KIF5C: variants seen among roughly 807,000 people sequenced by gnomAD.
KIF5C encodes the protein kinesin family member 5C, also known as kinesin heavy chain isoform 5C.
Under a neutral mutation model 125.2 loss-of-function variants are expected in KIF5C, and 18 were observed. That is an observed-to-expected ratio of 0.14 (90% CI 0.10 to 0.21). KIF5C has a LOEUF of 0.21. Ranked by LOEUF, KIF5C falls within the 10% of genes least tolerant of loss-of-function variation. The pLI, the probability that KIF5C is intolerant of heterozygous loss-of-function variation, is 1.00. For missense variants in KIF5C, 780 were observed against 1,183.8 expected, an observed-to-expected ratio of 0.66 and a Z score of 5.01; for synonymous variants, 405 against 434.0, an observed-to-expected ratio of 0.93 and a Z score of 0.83.
At chr2:148,940,336 A>G (rs908793306) in intron 4 of KIF5C, among the ~76,000 whole-genome samples, 8 of 152,134 alleles carry the variant, frequency 5.3e-5, no homozygotes, top group Non-Finnish European at 1.0e-4. Flanking sequence ...AGGGACAGGG[A>G]AGTCTGACAG....
At position 148,923,583 on chromosome 2, in the gene KIF5C, G is replaced by A. The variant is rs1681877616; in HGVS notation, c.217+1356G>A. 2.6e-5 allele frequency among the ~76,000 whole-genome samples: 4 copies of A among 152,002 alleles called. No individual in the cohort carries two copies. In the South Asian group the frequency reaches 8.3e-4, roughly 32 times the overall value. On this transcript the variant is annotated intron_variant, in intron 2 of 25. Transcript: ENST00000435030. ...ATCTTTCTTGGTTTGCTCCTACTCA[G>A]CCCTGCTCCCTATTATTCGACTCAT...
chr2:148,995,774 A>C (rs1681651508), intron 17 of KIF5C, among the ~76,000 whole-genome samples: 1 of 152,262 alleles, frequency 6.6e-6, no homozygotes, highest in Non-Finnish European at 1.5e-5. Context: ...CATGAAATAC[A>C]TGAAGGTGTG....
At chr2:148,997,212 GGT>G in intron 17 of KIF5C, 50 bp from the exon 18 acceptor site, 1 of 1,565,568 alleles carries the variant, frequency 6.4e-7, no homozygotes, top group Non-Finnish European at 8.7e-7. Flanking sequence ...TTTGCTTTTG[GGT>G]GTGAGTCCCA....
intron 3 of KIF5C, among the ~76,000 whole-genome samples, chr2:148,935,709 A>G (rs1428472629): frequency 6.6e-6 from 1 of 152,226 alleles, no homozygotes; most frequent in African/African-American, 2.4e-5. Flanking sequence ...TCTTCGTGAA[A>G]ACCTGCTGTG....
At position 148,973,532 on chromosome 2, in the gene KIF5C, A is replaced by C; in HGVS notation, c.1293+21A>C. On this transcript the variant is annotated intron_variant, in intron 12 of 25. Transcript: ENST00000435030. Reference sequence around the variant, plus strand: ...ACAAGGTCTGTGGCCAGAGATTCATAGTTCTCATTCTGCTACAAAGATGAA... The same window carrying C: ...ACAAGGTCTGTGGCCAGAGATTCATCGTTCTCATTCTGCTACAAAGATGAA... 6 of 1,590,576 alleles carry C rather than the reference A, an allele frequency of 3.8e-6. No homozygotes were observed. The East Asian group carries it at 1.4e-4, about 36-fold the overall frequency.
At position 148,875,575 on chromosome 2, in the gene KIF5C, G is replaced by GCCCCCCCCCCAACCCCCTGCCCC; in HGVS notation, c.-37_-36insCCCCAACCCCCTGCCCCCCCCCC. The GCCCCCCCCCCAACCCCCTGCCCC allele has an allele frequency of 2.9e-6, 2 of 699,604 alleles. No individual in the cohort carries two copies. The highest frequency in any genetic ancestry group is 1.8e-5 in the African/African-American group (1 of 55,562). The allele number at this position is 699,604 out of a possible 1,614,324, so 43.3% of individuals were successfully genotyped here. A position where few individuals can be genotyped will look rare whatever the true frequency, so the allele number is the denominator to read the frequency against. On this transcript the variant is annotated 5_prime_UTR_variant, in exon 1 of 26. Coordinates refer to ENST00000435030, the MANE Select transcript of KIF5C (RefSeq NM_004522.3). ...TCCTCCCTCGTCGTTCCCGGCCCCG[G>GCCCCCCCCCCAACCCCCTGCCCC]CCCCCCACCCATCCCCGTGCCCCCT...
intron 11 of KIF5C, 55 bp from the exon 12 acceptor site, chr2:148,973,281 A>T: frequency 6.4e-7 from 1 of 1,558,204 alleles, no homozygotes; most frequent in Admixed American, 2.0e-5. Flanking sequence ...CTCTTCCTGG[A>T]GGGTTGCATA....
chr2:148,942,094 G>A, intron 6 of KIF5C, 104 bp downstream of exon 6: 3 of 1,324,972 alleles, frequency 2.3e-6, no homozygotes, highest in South Asian at 1.4e-5. Flanking sequence ...AGAGCATATA[G>A]GCATTTATTC....
intron 7 of KIF5C, among the ~76,000 whole-genome samples, chr2:148,945,285 G>A (rs970167528): frequency 4.6e-5 from 7 of 152,060 alleles, no homozygotes; most frequent in East Asian, 1.9e-4. Flanking sequence ...GTAGGTATTT[G>A]ATCCTTTTGG....
chr2:149,000,663 G>C, intron 20 of KIF5C, 59 bp from the exon 21 acceptor site: 2 of 1,602,492 alleles, frequency 1.2e-6, no homozygotes, highest in Non-Finnish European at 1.7e-6. Context: ...GATGCAAATA[G>C]TATCTGCTGA....
intron 11 of KIF5C, among the ~76,000 whole-genome samples, chr2:148,967,003 A>G (rs1331203178): frequency 6.6e-6 from 1 of 152,172 alleles, no homozygotes; most frequent in Non-Finnish European, 1.5e-5. Flanking sequence ...AGCTCCAGGT[A>G]AGACAGGGGC....
At chr2:149,008,509 T>C (rs190946621) in intron 23 of KIF5C, among the ~76,000 whole-genome samples, 107 of 152,272 alleles carry the variant, frequency 7.0e-4, no homozygotes, top group African/African-American at 2.5e-3. Context: ...CATTGCACCG[T>C]GGGAGGACCG....
Position 149,011,633 on chromosome 2 carries a change from G to C in KIF5C, c.2831G>C (p.Gly944Ala). 1 of 1,614,046 alleles carries C rather than the reference G, an allele frequency of 6.2e-7. No homozygotes were observed. The highest frequency in any genetic ancestry group is 8.5e-7 in the Non-Finnish European group (1 of 1,179,886). ...SSPTAVHAIR[G>A]GGGSSSNSTH... The stretch of plus-strand genomic sequence containing the variant: ...CCAACGGCCGTCCATGCCATTCGAG[G>C]GGGAGGAGGCAGCTCTTCAAATTCC... The change falls in exon 25 of 26, where the codon GGG becomes GCG. Residue 944 changes from glycine to alanine, a missense_variant. By Grantham distance (60) the Gly-to-Ala change is moderately conservative. Around this residue, in one of 2 missense-constraint regions of KIF5C, gnomAD observed 573 missense variants for 742.6 expected, o/e 0.77. Coordinates refer to ENST00000435030, the MANE Select transcript of KIF5C (RefSeq NM_004522.3).
intron 1 of KIF5C, chr2:148,883,679 T>C (rs1040858318): frequency 6.6e-6 from 1 of 152,222 alleles, no homozygotes; most frequent in Non-Finnish European, 1.5e-5. Flanking sequence ...TAAATGCTGA[T>C]GTCTGAAGTC....
chr2:148,951,816 A>T (rs1035595229), intron 10 of KIF5C, among the ~76,000 whole-genome samples: 5 of 152,092 alleles, frequency 3.3e-5, no homozygotes, highest in African/African-American at 1.2e-4. Context: ...GGTTATGCCT[A>T]AGGAATAGTT....
At chr2:149,015,782 A>G (rs1043390960) in intron 25 of KIF5C, among the ~76,000 whole-genome samples, 1 of 152,220 alleles carries the variant, frequency 6.6e-6, no homozygotes, top group Non-Finnish European at 1.5e-5. Context: ...GATTTCTGTC[A>G]GCTTTAGGTT....
intron 1 of KIF5C, among the ~76,000 whole-genome samples, chr2:148,901,802 C>G (rs1373439251): frequency 2.0e-5 from 3 of 152,146 alleles, no homozygotes; most frequent in Admixed American, 2.0e-4. Flanking sequence ...GAAACCTCCC[C>G]CCATCAATCT....
chr2:148,875,869 TG>T, intron 1 of KIF5C, 126 bp downstream of exon 1: 1 of 1,311,278 alleles, frequency 7.6e-7, no homozygotes, highest in East Asian at 3.2e-5. Context: ...GCCTCTCGGG[TG>T]GACCTGACCA....
chr2:149,013,099 T>C (rs1280844423), intron 25 of KIF5C, among the ~76,000 whole-genome samples: 1 of 152,220 alleles, frequency 6.6e-6, no homozygotes, highest in Admixed American at 6.5e-5. Context: ...GATTCTGATA[T>C]TCATCGAAGT....
Sources: allele counts gnomAD v4.1 joint callset (sites outside exome capture counted in the v4.1 genomes callset), GRCh38; gene constraint gnomAD v4.1.1; regional missense constraint gnomAD v4.1.1; transcripts MANE v1.5; gene names NCBI Gene and HGNC (gene_info 2026-07-23, HGNC 2026-07-21).